The following GALNT9 variants were observed in gnomAD, a reference collection of about 807,000 sequenced individuals.
GALNT9 encodes polypeptide N-acetylgalactosaminyltransferase 9.
Under a neutral mutation model 63.1 loss-of-function variants are expected in GALNT9, and 47 were observed. The ratio of observed to expected loss-of-function variants is 0.75; its 90% CI spans 0.59 to 0.95. The LOEUF (loss-of-function observed/expected upper bound fraction) is 0.95, where lower values mean the gene tolerates loss of function less well. GALNT9 is among the 40% of genes least tolerant of loss of function. GALNT9 has a pLI of 0.00. For missense variants in GALNT9, 829 were observed against 874.8 expected, an observed-to-expected ratio of 0.95 and a Z score of 0.66; for synonymous variants, 396 against 365.7, an observed-to-expected ratio of 1.08 and a Z score of -0.94.
intron 6 of GALNT9, among the ~76,000 whole-genome samples, chr12:132,244,928 C>G (rs1555237881): frequency 6.6e-6 from 1 of 150,736 alleles, no homozygotes; most frequent in African/African-American, 2.4e-5. Context: ...CCTCTGACCG[C>G]CAGACAGGAC....
rs2135493675 is a variant in GALNT9, at chr12:132,196,973, C to T, written c.*134G>A. On this transcript the variant is annotated 3_prime_UTR_variant, in exon 11 of 11. Coordinates refer to ENST00000328957, the MANE Select transcript of GALNT9 (RefSeq NM_001122636.2). The stretch of plus-strand genomic sequence containing the variant: ...CTGGTCACTCAGCCACACCCCGGCC[C>T]CTCAGCCTCTGCTGTCCTGGCCGCA... 2.0e-6 allele frequency: 3 copies of T among 1,505,510 alleles called. No individual in the cohort carries two copies. The highest frequency in any genetic ancestry group is 1.8e-6 in the Non-Finnish European group (2 of 1,131,164). The allele number at this position is 1,505,510 out of a possible 1,614,324, so 93.3% of individuals were successfully genotyped here. A position where few individuals can be genotyped will look rare whatever the true frequency, so the allele number is the denominator to read the frequency against.
intron 6 of GALNT9, among the ~76,000 whole-genome samples, chr12:132,227,361 G>C (rs933360349): frequency 6.6e-6 from 1 of 152,170 alleles, no homozygotes; most frequent in African/African-American, 2.4e-5. Flanking sequence ...CCCTCTCCCC[G>C]GCCCAGCTCC....
At chr12:132,260,609 T>C (rs1879339583) in intron 4 of GALNT9, among the ~76,000 whole-genome samples, 1 of 152,194 alleles carries the variant, frequency 6.6e-6, no homozygotes, top group Non-Finnish European at 1.5e-5. Context: ...TACCCGAGCC[T>C]GCTGGAGTCA....
chr12:132,289,914 C>G (rs1160002345), intron 1 of GALNT9, among the ~76,000 whole-genome samples: 1 of 152,188 alleles, frequency 6.6e-6, no homozygotes, highest in Non-Finnish European at 1.5e-5. Flanking sequence ...AGATGGAGCT[C>G]AGGGGTCCTG....
Position 132,203,490 on chromosome 12 carries a change from C to T in GALNT9, c.1263+15G>A. ...CTGGGGCATGGCCCCGGCTCCCGGC[C>T]TGTGGGGGACTCACCGACATGGGGA... On this transcript the variant is annotated intron_variant, in intron 7 of 10. Transcript: ENST00000328957. 6.2e-7 allele frequency: 1 copy of T among 1,612,748 alleles called. No homozygotes were observed. Among genetic ancestry groups the T allele is most frequent in the Non-Finnish European group, 8.5e-7 (1 of 1,179,264 alleles).
intron 6 of GALNT9, among the ~76,000 whole-genome samples, chr12:132,209,767 G>A (rs10751710): frequency 4.6e-5 from 7 of 152,058 alleles, no homozygotes; most frequent in Non-Finnish European, 1.0e-4. Context: ...CCCTCAGTTC[G>A]GGGAAATCCT....
At chr12:132,200,272 A>G (rs1875929885) in intron 8 of GALNT9, among the ~76,000 whole-genome samples, 1 of 152,108 alleles carries the variant, frequency 6.6e-6, no homozygotes, top group Non-Finnish European at 1.5e-5. Flanking sequence ...TCATGGTGGG[A>G]GGCACCCCAT....
At chr12:132,261,768 G>A (rs1027269601) in intron 3 of GALNT9, among the ~76,000 whole-genome samples, 9 of 152,240 alleles carry the variant, frequency 5.9e-5, no homozygotes, top group Admixed American at 1.3e-4. Flanking sequence ...GGAGTGTCAC[G>A]GCTGCAGGCT....
At chr12:132,263,622 C>T (rs1555239961) in intron 2 of GALNT9, among the ~76,000 whole-genome samples, 1 of 152,166 alleles carries the variant, frequency 6.6e-6, no homozygotes, top group African/African-American at 2.4e-5. Flanking sequence ...AGGTCTGTCT[C>T]CCCCCGTGAC....
At chr12:132,242,264 C>T (rs2136903225) in intron 6 of GALNT9, among the ~76,000 whole-genome samples, 1 of 6,214 alleles carries the variant, frequency 1.6e-4, no homozygotes. Flanking sequence ...TCCCGGGGCC[C>T]TCCCTATACC....
Position 132,245,632 on chromosome 12 carries a change from C to T in GALNT9, c.1077+2278G>A, listed in dbSNP as rs1246756348. 3.3e-5 allele frequency among the ~76,000 whole-genome samples: 5 copies of T among 150,822 alleles called. No individual in the cohort carries two copies. The highest frequency in any genetic ancestry group is 2.1e-4 in the South Asian group (1 of 4,732). Reference sequence around the variant, plus strand: ...TGACCCTCGCCCAGCCAGGGCCCTCCGTGGTCCAGCACCCACACCCCCAGC... The same window carrying T: ...TGACCCTCGCCCAGCCAGGGCCCTCTGTGGTCCAGCACCCACACCCCCAGC... On this transcript the variant is annotated intron_variant, in intron 6 of 10. Coordinates refer to ENST00000328957, the MANE Select transcript of GALNT9 (RefSeq NM_001122636.2). The surrounding 1 kb of genome is among the most constrained non-coding windows in gnomAD (Gnocchi z 6.3).
At chr12:132,249,006 G>A (rs549020331) in intron 5 of GALNT9, among the ~76,000 whole-genome samples, 19 of 152,338 alleles carry the variant, frequency 1.2e-4, no homozygotes, top group East Asian at 1.9e-4. Flanking sequence ...GCCACGCGAC[G>A]TGCGAGCTCA....
In GALNT9 at chr12:132,296,904, C is replaced by A. The variant is rs951133022; in HGVS notation, c.239-10474G>T. ...CCACTCCCACACAAACCAACTCACT[C>A]CCAAGATACCCAACTCACTCCTGAA... On this transcript the variant is annotated intron_variant, in intron 1 of 10. Transcript: ENST00000328957. This position sits in a 1 kb window ranked among gnomAD's most constrained non-coding sequence, Gnocchi z 4.2. 1.3e-5 allele frequency among the ~76,000 whole-genome samples: 2 copies of A among 152,074 alleles called. No individual in the cohort carries two copies. Among genetic ancestry groups the A allele is most frequent in the Non-Finnish European group, 1.5e-5 (1 of 68,020 alleles).
rs111541758 is a variant in GALNT9, at chr12:132,208,292, C to T, written c.1078-4602G>A. 3.0e-3 allele frequency among the ~76,000 whole-genome samples: 454 copies of T among 152,324 alleles called. 1 individual carries two copies. The highest frequency in any genetic ancestry group is 0.01 in the African/African-American group (419 of 41,592). ...GCTCTCAAGAGGCAGGAGGCCCGGG[C>T]CCCTCCCCTTCCTGGCCACACTAGA... is the stretch of plus-strand genomic sequence containing the variant. On this transcript the variant is annotated intron_variant, in intron 6 of 10. Coordinates refer to ENST00000328957, the MANE Select transcript of GALNT9 (RefSeq NM_001122636.2).
Position 132,282,112 on chromosome 12 carries a change from C to T in GALNT9, c.419+4138G>A, listed in dbSNP as rs557140950. On this transcript the variant is annotated intron_variant, in intron 2 of 10. Transcript: ENST00000328957. This position sits in a 1 kb window ranked among gnomAD's most constrained non-coding sequence, Gnocchi z 4.5. The stretch of plus-strand genomic sequence containing the variant: ...CACAGAGGAGGAATCAGCTCCACTA[C>T]AGCAAGGCCAGGCCTGGGGGTCCCC... Among the ~76,000 whole-genome samples the T allele has an allele frequency of 2.7e-5, 4 of 148,734 alleles. No individual in the cohort carries two copies. In the South Asian group the frequency reaches 8.6e-4, roughly 32 times the overall value.
At chr12:132,200,026 A>C (rs551720242) in intron 8 of GALNT9, among the ~76,000 whole-genome samples, 2 of 152,296 alleles carry the variant, frequency 1.3e-5, no homozygotes, top group East Asian at 3.9e-4. Context: ...GGGTGCCTGC[A>C]CTTGGCTAAT....
intron 1 of GALNT9, among the ~76,000 whole-genome samples, chr12:132,322,595 C>G (rs1336691499): frequency 3.9e-5 from 6 of 152,184 alleles, no homozygotes; most frequent in Non-Finnish European, 8.8e-5. Context: ...CAGCTCCTGT[C>G]ACCCCTTCAC....
intron 6 of GALNT9, among the ~76,000 whole-genome samples, chr12:132,226,936 CACACCCCACAT>C (rs1877717505): frequency 1.3e-5 from 2 of 149,478 alleles, no homozygotes; most frequent in Admixed American, 1.3e-4. Context: ...ACACACTGTA[CACACCCCACAT>C]ACACCCCATA....
intron 2 of GALNT9, among the ~76,000 whole-genome samples, chr12:132,271,488 C>G (rs1380745512): frequency 1.3e-5 from 2 of 152,206 alleles, no homozygotes; most frequent in African/African-American, 4.8e-5. Context: ...GAAGCCAGGA[C>G]AGATCCACCA....
Sources: gnomAD v4.1 joint callset for allele counts (sites outside exome capture counted in the v4.1 genomes callset) on GRCh38, gnomAD v4.1.1 for gene constraint, Gnocchi (gnomAD v3.1) non-coding constraint, MANE v1.5 for transcripts, NCBI Gene and HGNC (gene_info 2026-07-23, HGNC 2026-07-21) for gene names.